SPSB4: variants seen among roughly 807,000 people sequenced by gnomAD.
The protein encoded by SPSB4 is splA/ryanodine receptor domain and SOCS box containing 4.
Under a neutral mutation model 20.9 loss-of-function variants are expected in SPSB4, and 21 were observed. The observed-to-expected ratio is 1.01, with a 90% CI of 0.71 to 1.45. The LOEUF is 1.45. Ranked by LOEUF, SPSB4 falls within the 40% of genes most tolerant of loss-of-function variation. The probability of loss-of-function intolerance (pLI) is 0.00; values close to 1 mark genes in which losing one functional copy is unlikely to be tolerated. For missense variants in SPSB4, 399 were observed against 399.2 expected, an observed-to-expected ratio of 1.00 and a Z score of 0.00; for synonymous variants, 207 against 183.8, an observed-to-expected ratio of 1.13 and a Z score of -1.02.
Position 141,129,097 on chromosome 3 carries a change from G to T in SPSB4, c.695-18045G>T, listed in dbSNP as rs114394143. Among the ~76,000 whole-genome samples the T allele has an allele frequency of 6.3e-3, 957 of 152,284 alleles. 11 individuals carry two copies. The highest frequency in any genetic ancestry group is 0.022 in the African/African-American group (919 of 41,558). On this transcript the variant is annotated intron_variant, in intron 2 of 2. Transcript: ENST00000310546. ...AGGAGTCTTTGGGTGAAAATATTTT[G>T]CCAGACACACTCTCCTGTCAGTACT...
At position 141,120,014 on chromosome 3, in the gene SPSB4, C is replaced by T. The variant is rs534452599; in HGVS notation, c.695-27128C>T. Reference sequence around the variant, plus strand: ...TCTTTTCATTGTGATGTTAGGGTGTCGATTTTAGGTCTTTCCTGCTTCCTC... The same window carrying T: ...TCTTTTCATTGTGATGTTAGGGTGTTGATTTTAGGTCTTTCCTGCTTCCTC... On this transcript the variant is annotated intron_variant, in intron 2 of 2. Coordinates refer to ENST00000310546, the MANE Select transcript of SPSB4 (RefSeq NM_080862.3). Among the ~76,000 whole-genome samples the T allele has an allele frequency of 5.3e-5, 8 of 152,066 alleles. No homozygotes were observed. The South Asian group carries it at 6.2e-4, about 12-fold the overall frequency.
intron 2 of SPSB4, among the ~76,000 whole-genome samples, chr3:141,114,227 T>C (rs1938850311): frequency 6.6e-6 from 1 of 152,014 alleles, no homozygotes; most frequent in African/African-American, 2.4e-5. Flanking sequence ...ATACCAGGGG[T>C]GAATTCAGTC....
chr3:141,134,186 T>C (rs947493316), intron 2 of SPSB4, among the ~76,000 whole-genome samples: 1 of 151,826 alleles, frequency 6.6e-6, no homozygotes, highest in African/African-American at 2.4e-5. Flanking sequence ...CTTAACTGAA[T>C]TCATTTATCA....
At chr3:141,078,586 G>A (rs1938162298) in intron 2 of SPSB4, among the ~76,000 whole-genome samples, 1 of 152,236 alleles carries the variant, frequency 6.6e-6, no homozygotes, top group Non-Finnish European at 1.5e-5. Flanking sequence ...GGAAAGGTGT[G>A]TTTAGCAGAA....
intron 2 of SPSB4, among the ~76,000 whole-genome samples, chr3:141,070,542 TA>T (rs954093368): frequency 7.2e-5 from 11 of 152,120 alleles, no homozygotes; most frequent in South Asian, 2.1e-4. Flanking sequence ...ATGGCTAATT[TA>T]AAAAAAAATT....
intron 2 of SPSB4, among the ~76,000 whole-genome samples, chr3:141,127,143 G>T (rs372742020): frequency 3.3e-5 from 5 of 152,382 alleles, no homozygotes; most frequent in African/African-American, 1.2e-4. Flanking sequence ...ACAGCTGGGA[G>T]GGGGTCAATA....
Position 141,111,550 on chromosome 3 carries a change from G to C in SPSB4, c.695-35592G>C, listed in dbSNP as rs1462474974. On this transcript the variant is annotated intron_variant, in intron 2 of 2. Coordinates refer to ENST00000310546, the MANE Select transcript of SPSB4 (RefSeq NM_080862.3). ...ACTGTTGAGGCAGGAAGAGGCCTGG[G>C]CTGCGAGAAACTGCCATGCAAGCTG... 4.0e-5 allele frequency among the ~76,000 whole-genome samples: 6 copies of C among 151,890 alleles called. No individual in the cohort carries two copies. The East Asian group carries it at 1.2e-3, about 29-fold the overall frequency.
rs1937865070 is a variant in SPSB4 at position 141,066,150 on chromosome 3, G to C, written c.46G>C (p.Glu16Gln). The change falls in exon 2 of 3, where the codon GAG (glutamate) becomes CAG (glutamine). Residue 16 changes from glutamate to glutamine, a missense_variant. By Grantham distance (29) the Glu-to-Gln change is conservative. Transcript: ENST00000310546. ...SGSLKSVEVREPALRPAKREL... is the reference protein window; with the variant it reads ...SGSLKSVEVRQPALRPAKREL... ...GAGCCTCAAGTCAGTGGAGGTGCGAGAGCCGGCGCTGCGGCCGGCCAAGCG... is the reference window on the plus strand; with the variant it reads ...GAGCCTCAAGTCAGTGGAGGTGCGACAGCCGGCGCTGCGGCCGGCCAAGCG... 2.0e-6 allele frequency: 3 copies of C among 1,532,792 alleles called. No homozygotes were observed. The highest frequency in any genetic ancestry group is 1.2e-5 in the South Asian group (1 of 83,342). 94.9% of individuals were successfully genotyped at this position (1,532,792 alleles called of 1,614,324 possible). A position where few individuals can be genotyped will look rare whatever the true frequency, so the allele number is the denominator to read the frequency against.
At chr3:141,118,083 C>A (rs896394214) in intron 2 of SPSB4, among the ~76,000 whole-genome samples, 2 of 152,192 alleles carry the variant, frequency 1.3e-5, no homozygotes, top group African/African-American at 4.8e-5. Flanking sequence ...CGCCACACTG[C>A]CTTCCACAAT....
intron 2 of SPSB4, among the ~76,000 whole-genome samples, chr3:141,105,196 AG>A (rs1938669197): frequency 6.6e-6 from 1 of 152,222 alleles, no homozygotes; most frequent in South Asian, 2.1e-4. Context: ...CTTCACTGCA[AG>A]GCAGAAAGGA....
intron 2 of SPSB4, among the ~76,000 whole-genome samples, chr3:141,090,556 G>A (rs921214051): frequency 6.6e-6 from 1 of 152,114 alleles, no homozygotes; most frequent in Non-Finnish European, 1.5e-5. Flanking sequence ...TCTGGGGAGG[G>A]TTATCCAGGC....
chr3:141,055,165 A>G (rs1381743067), intron 1 of SPSB4, among the ~76,000 whole-genome samples: 1 of 152,202 alleles, frequency 6.6e-6, no homozygotes, highest in East Asian at 1.9e-4. Context: ...TCAACAGCTA[A>G]GATGAAGACA....
intron 2 of SPSB4, among the ~76,000 whole-genome samples, chr3:141,128,671 G>A (rs954034172): frequency 2.0e-5 from 3 of 152,084 alleles, no homozygotes; most frequent in African/African-American, 7.2e-5. Flanking sequence ...GCAGTTTTCT[G>A]TATGTGGAGT....
At chr3:141,099,414 C>A (rs1391832625) in intron 2 of SPSB4, among the ~76,000 whole-genome samples, 2 of 152,026 alleles carry the variant, frequency 1.3e-5, no homozygotes, top group Non-Finnish European at 2.9e-5. Flanking sequence ...ATACCATAAT[C>A]CAATTAATGT....
intron 2 of SPSB4, among the ~76,000 whole-genome samples, chr3:141,114,454 C>T (rs1036010356): frequency 4.6e-5 from 7 of 152,192 alleles, no homozygotes; most frequent in African/African-American, 1.7e-4. Flanking sequence ...ACCGGCTCTG[C>T]AATATTGTGC....
At chr3:141,112,088 C>T (rs1271724482) in intron 2 of SPSB4, among the ~76,000 whole-genome samples, 2 of 152,270 alleles carry the variant, frequency 1.3e-5, no homozygotes, top group African/African-American at 4.8e-5. Context: ...GCGTGTCAGT[C>T]AGAACCTGGG....
chr3:141,134,407 G>A (rs1467266629), intron 2 of SPSB4, among the ~76,000 whole-genome samples: 1 of 152,074 alleles, frequency 6.6e-6, no homozygotes, highest in Non-Finnish European at 1.5e-5. Context: ...TTCTCAGGGG[G>A]AATGCTTTCA....
rs868503635 is a variant in SPSB4 at position 141,051,366 on chromosome 3, G to C, written c.-780G>C. 15 of 154,734 alleles carry C rather than the reference G, an allele frequency of 9.7e-5. No individual in the cohort carries two copies. Among genetic ancestry groups the C allele is most frequent in the Middle Eastern group, 3.4e-3 (1 of 296 alleles). 9.6% of individuals were successfully genotyped at this position (154,734 alleles called of 1,614,324 possible). Reference sequence around the variant, plus strand: ...TCAGCCAGATCGGCTTTCAGCTGCAGCCTCCGGGCCGGCCGGGAAGGCGGG... The same window carrying C: ...TCAGCCAGATCGGCTTTCAGCTGCACCCTCCGGGCCGGCCGGGAAGGCGGG... On this transcript the variant is annotated 5_prime_UTR_variant, in exon 1 of 3. Transcript: ENST00000310546.
rs191521626 is a variant in SPSB4, at chr3:141,087,973, G to A, written c.694+21175G>A. The stretch of plus-strand genomic sequence containing the variant: ...AGGAAAATGGAAGTGACCCTTGAGC[G>A]GAGATTTAAAGCCCTGTTGGCCATT... On this transcript the variant is annotated intron_variant, in intron 2 of 2. Transcript: ENST00000310546. Among the ~76,000 whole-genome samples, 188 of 152,258 alleles carry A rather than the reference G, an allele frequency of 1.2e-3. 4 individuals are homozygous for A. Among genetic ancestry groups the A allele is most frequent in the Admixed American group, 0.011 (167 of 15,302 alleles).
Sources: allele counts gnomAD v4.1 joint callset (sites outside exome capture counted in the v4.1 genomes callset), GRCh38; gene constraint gnomAD v4.1.1; transcripts MANE v1.5; gene names NCBI Gene and HGNC (gene_info 2026-07-23, HGNC 2026-07-21).